TRPM3: variants seen among roughly 807,000 people sequenced by gnomAD.
TRPM3 encodes transient receptor potential cation channel subfamily M member 3.
A neutral mutation model predicts 181.2 loss-of-function variants in TRPM3; 77 were observed. The observed-to-expected ratio is 0.42, with a 90% CI of 0.35 to 0.51. TRPM3 has a LOEUF of 0.51. TRPM3 is among the 20% of genes least tolerant of loss of function. The probability of loss-of-function intolerance (pLI) is 0.01; values close to 1 mark genes in which losing one functional copy is unlikely to be tolerated. For missense variants in TRPM3, 1,759 were observed against 2,196.7 expected, an observed-to-expected ratio of 0.80 and a Z score of 3.98; for synonymous variants, 745 against 796.4, an observed-to-expected ratio of 0.94 and a Z score of 1.09.
At chr9:70,618,451 T>C (rs1222519898) in intron 17 of TRPM3, among the ~76,000 whole-genome samples, 1 of 152,210 alleles carries the variant, frequency 6.6e-6, no homozygotes, top group Non-Finnish European at 1.5e-5. Flanking sequence ...CAAGCACATC[T>C]GGTAAGAGCC....
At chr9:70,588,181 C>T (rs1011796447) in intron 22 of TRPM3, among the ~76,000 whole-genome samples, 1 of 152,162 alleles carries the variant, frequency 6.6e-6, no homozygotes, top group Admixed American at 6.5e-5. Context: ...GGAAAGTAAC[C>T]TTAGAAGTTT....
At chr9:71,016,580 T>C (rs945527083) in intron 1 of TRPM3, among the ~76,000 whole-genome samples, 7 of 152,198 alleles carry the variant, frequency 4.6e-5, no homozygotes, top group Non-Finnish European at 1.0e-4. Context: ...TGTTATAACA[T>C]ATGTCAGAAT....
intron 5 of TRPM3, among the ~76,000 whole-genome samples, chr9:70,829,102 A>C (rs2093734986): frequency 6.6e-6 from 1 of 152,194 alleles, no homozygotes; most frequent in Non-Finnish European, 1.5e-5. Context: ...ATCAAAATTG[A>C]CAGGAAAGAA....
chr9:70,582,176 C>CTGTG (rs1198403990), intron 22 of TRPM3, among the ~76,000 whole-genome samples: 105 of 78,026 alleles, frequency 1.3e-3, no homozygotes, highest in Non-Finnish European at 1.8e-3. Context: ...CGCCTCCACC[C>CTGTG]TGTGCGTGTG....
At chr9:70,816,760 T>C (rs2131514381) in intron 6 of TRPM3, among the ~76,000 whole-genome samples, 1 of 152,378 alleles carries the variant, frequency 6.6e-6, no homozygotes, top group African/African-American at 2.4e-5. Flanking sequence ...CATGCATTAA[T>C]GCATGGTGCT....
intron 1 of TRPM3, among the ~76,000 whole-genome samples, chr9:71,252,210 C>CT (rs35264050): frequency 5.8e-4 from 85 of 147,306 alleles, no homozygotes; most frequent in African/African-American, 7.9e-4. Flanking sequence ...ACCAATTTAA[C>CT]TTTTTTTTTT....
chr9:71,401,658 C>T (rs567216347), intron 1 of TRPM3, among the ~76,000 whole-genome samples: 29 of 152,180 alleles, frequency 1.9e-4, no homozygotes, highest in African/African-American at 6.3e-4. Flanking sequence ...TTAATACATA[C>T]GGTGGTTAGA....
At chr9:71,161,297 AAC>A (rs1421117736) in intron 1 of TRPM3, among the ~76,000 whole-genome samples, 1 of 152,160 alleles carries the variant, frequency 6.6e-6, no homozygotes, top group African/African-American at 2.4e-5. Flanking sequence ...CTGCAGTGAT[AAC>A]CAAACCTGAC....
intron 1 of TRPM3, among the ~76,000 whole-genome samples, chr9:71,231,969 A>G (rs1729964271): frequency 6.6e-6 from 1 of 152,224 alleles, no homozygotes; most frequent in Non-Finnish European, 1.5e-5. Flanking sequence ...AAATCAGGTT[A>G]TTTAAATGTC....
chr9:71,365,574 A>C (rs1402997006), intron 1 of TRPM3, among the ~76,000 whole-genome samples: 2 of 152,174 alleles, frequency 1.3e-5, no homozygotes, highest in African/African-American at 4.8e-5. Flanking sequence ...TTAGCAAAAA[A>C]ACTGTCCCTT....
intron 1 of TRPM3, among the ~76,000 whole-genome samples, chr9:70,976,792 A>C (rs1171217883): frequency 6.6e-6 from 1 of 152,208 alleles, no homozygotes; most frequent in East Asian, 1.9e-4. Flanking sequence ...TGAGAAGGTT[A>C]AATGAAATAA....
chr9:70,968,225 T>C (rs2097204924), intron 1 of TRPM3, among the ~76,000 whole-genome samples: 1 of 152,110 alleles, frequency 6.6e-6, no homozygotes, highest in Non-Finnish European at 1.5e-5. Context: ...ATTGATAAAT[T>C]AAGGGCTTCT....
chr9:70,656,412 T>A (rs2060342341), intron 9 of TRPM3, among the ~76,000 whole-genome samples: 2 of 152,254 alleles, frequency 1.3e-5, no homozygotes, highest in African/African-American at 4.8e-5. Context: ...GTAAGATTTG[T>A]TTTGGGAAAA....
intron 1 of TRPM3, among the ~76,000 whole-genome samples, chr9:70,983,362 C>A (rs1340243691): frequency 1.3e-5 from 2 of 152,044 alleles, no homozygotes; most frequent in East Asian, 3.9e-4. Context: ...ACTGCTTAGA[C>A]CCTTCAAATC....
intron 9 of TRPM3, among the ~76,000 whole-genome samples, chr9:70,646,142 C>T (rs1481305801): frequency 6.6e-6 from 1 of 152,200 alleles, no homozygotes; most frequent in Admixed American, 6.5e-5. Context: ...TAAATTAGTT[C>T]AACCATTGTG....
At chr9:70,932,953 AG>A (rs920225246) in intron 1 of TRPM3, among the ~76,000 whole-genome samples, 51 of 152,318 alleles carry the variant, frequency 3.3e-4, no homozygotes, top group South Asian at 8.3e-4. Flanking sequence ...GGTGAGAAGT[AG>A]GTGGGTTTGA....
At chr9:71,114,524 T>C (rs2071866362) in intron 1 of TRPM3, among the ~76,000 whole-genome samples, 1 of 152,192 alleles carries the variant, frequency 6.6e-6, no homozygotes, top group Non-Finnish European at 1.5e-5. Context: ...GTAAATATAA[T>C]TATGCTTTTC....
At chr9:71,051,512 C>T (rs1182530098) in intron 1 of TRPM3, among the ~76,000 whole-genome samples, 2 of 152,114 alleles carry the variant, frequency 1.3e-5, no homozygotes, top group Non-Finnish European at 2.9e-5. Context: ...GTCCAATCAT[C>T]CTCCACCCAT....
chr9:70,672,278 C>T (rs1353233091), intron 9 of TRPM3, among the ~76,000 whole-genome samples: 1 of 152,160 alleles, frequency 6.6e-6, no homozygotes, highest in Non-Finnish European at 1.5e-5. Context: ...TTCAAGTACT[C>T]CCGGGACCTT....
Sources: allele counts gnomAD v4.1 joint callset (sites outside exome capture counted in the v4.1 genomes callset), GRCh38; gene constraint gnomAD v4.1.1; transcripts MANE v1.5; gene names NCBI Gene and HGNC (gene_info 2026-07-23, HGNC 2026-07-21).